Variants in CHERP observed in about 807,000 individuals in gnomAD.
The protein encoded by CHERP is ERPROT 213-21.
CHERP carries 8 observed loss-of-function variants against 113.8 expected under a neutral mutation model. The observed-to-expected ratio is 0.07, with a 90% CI of 0.04 to 0.13. The LOEUF (loss-of-function observed/expected upper bound fraction) is 0.13. Ranked by LOEUF, CHERP falls within the 10% of genes least tolerant of loss-of-function variation. CHERP has a pLI of 1.00. For missense variants in CHERP, 884 were observed against 1,298.2 expected (o/e 0.68, Z 4.90); for synonymous variants, 559 against 524.5 (o/e 1.07, Z -0.90).
intron 5 of CHERP, 137 bp from the exon 6 acceptor site, chr19:16,531,017 G>T: frequency 7.2e-7 from 1 of 1,390,110 alleles, no homozygotes; most frequent in Non-Finnish European, 9.6e-7. Context: ...GGCGATGGCT[G>T]GGCTCCCACG....
Position 16,519,821 on chromosome 19 carries a change from C to A in CHERP, c.2463-106G>T. On this transcript the variant is annotated intron_variant, in intron 15 of 16. Coordinates refer to ENST00000546361, the MANE Select transcript of CHERP (RefSeq NM_006387.6). The surrounding 1 kb of genome is among the most constrained non-coding windows in gnomAD (Gnocchi z 6.0). ...CAGCTTGCGTGCATGCTCACTGTCACCAGGTGACACCGTATGCAGATTTTG... is the reference window on the plus strand; with the variant it reads ...CAGCTTGCGTGCATGCTCACTGTCAACAGGTGACACCGTATGCAGATTTTG... 1 of 962,194 alleles carries A rather than the reference C, an allele frequency of 1.0e-6. No homozygotes were observed. The highest frequency in any genetic ancestry group is 1.7e-6 in the Non-Finnish European group (1 of 592,992). 59.6% of individuals were successfully genotyped at this position (962,194 alleles called of 1,614,324 possible).
In CHERP at chr19:16,519,818, T is replaced by A; in HGVS notation, c.2463-103A>T. On this transcript the variant is annotated intron_variant, in intron 15 of 16. Coordinates refer to ENST00000546361, the MANE Select transcript of CHERP (RefSeq NM_006387.6). This position sits in a 1 kb window ranked among gnomAD's most constrained non-coding sequence, Gnocchi z 6.0. ...CCGCAGCTTGCGTGCATGCTCACTG[T>A]CACCAGGTGACACCGTATGCAGATT... is the stretch of plus-strand genomic sequence containing the variant. The A allele has an allele frequency of 1.0e-6, 1 of 997,810 alleles. No homozygotes were observed. Among genetic ancestry groups the A allele is most frequent in the East Asian group, 2.4e-5 (1 of 41,924 alleles). 61.8% of individuals were successfully genotyped at this position (997,810 alleles called of 1,614,324 possible). A position where few individuals can be genotyped will look rare whatever the true frequency, so the allele number is the denominator to read the frequency against.
chr19:16,534,905 A>G (rs534408342), intron 3 of CHERP, among the ~76,000 whole-genome samples: 1 of 152,246 alleles, frequency 6.6e-6, no homozygotes, highest in Non-Finnish European at 1.5e-5. Context: ...GTGAAACTCC[A>G]TCTCTACTAC....
At position 16,530,982 on chromosome 19, in the gene CHERP, G is replaced by A; in HGVS notation, c.675-102C>T. The A allele has an allele frequency of 1.3e-6, 2 of 1,505,798 alleles. No individual in the cohort carries two copies. Among genetic ancestry groups the A allele is most frequent in the Non-Finnish European group, 1.8e-6 (2 of 1,129,100 alleles). 93.3% of individuals were successfully genotyped at this position (1,505,798 alleles called of 1,614,324 possible). ...AGCCTCAGCGCCCTCTGCCTTCTCG[G>A]GAATCGGGTCCCCAACCCGGTCAGG... is the stretch of plus-strand genomic sequence containing the variant. On this transcript the variant is annotated intron_variant, in intron 5 of 16. Coordinates refer to ENST00000546361, the MANE Select transcript of CHERP (RefSeq NM_006387.6). The surrounding 1 kb of genome is among the most constrained non-coding windows in gnomAD (Gnocchi z 4.1).
chr19:16,527,212 C>T (rs2085662601), intron 9 of CHERP, among the ~76,000 whole-genome samples: 1 of 152,170 alleles, frequency 6.6e-6, no homozygotes, highest in South Asian at 2.1e-4. Flanking sequence ...TCCACACCTA[C>T]AAAACAGGGA....
In CHERP at chr19:16,519,234, G is replaced by A. The variant is rs2085582715; in HGVS notation, c.2676C>T (p.Asp892=). The part of the protein sequence containing the change: ...QYKGVGVALD[D]PYENYRRNKS... ...TGTTCCTGCGGTAGTTCTCATAGGGGTCATCCAGAGCCACGCCCACGCCTT... is the reference window on the plus strand; with the variant it reads ...TGTTCCTGCGGTAGTTCTCATAGGGATCATCCAGAGCCACGCCCACGCCTT... Residue 892 remains aspartate (D), a synonymous_variant, in exon 17 of 17, where the codon GAC becomes GAT. Coordinates refer to ENST00000546361, the MANE Select transcript of CHERP (RefSeq NM_006387.6). This position sits in a 1 kb window ranked among gnomAD's most constrained non-coding sequence, Gnocchi z 6.0. The A allele has an allele frequency of 6.2e-7, 1 of 1,614,060 alleles. No homozygotes were observed. Among genetic ancestry groups the A allele is most frequent in the Middle Eastern group, 1.6e-4 (1 of 6,062 alleles).
chr19:16,520,623 G>A lies in CHERP; in HGVS notation c.2202-116C>T, dbSNP rs866761000. On this transcript the variant is annotated intron_variant, in intron 13 of 16. Coordinates refer to ENST00000546361, the MANE Select transcript of CHERP (RefSeq NM_006387.6). This position sits in a 1 kb window ranked among gnomAD's most constrained non-coding sequence, Gnocchi z 4.0. ...CAGGGGCTCTGGCTGTGGATGTGGC[G>A]CCATAGCCACAGCAACGGTACCAAG... The A allele has an allele frequency of 2.6e-5, 33 of 1,283,360 alleles. No homozygotes were observed. In the Middle Eastern group the frequency reaches 9.3e-4, roughly 36 times the overall value. 79.5% of individuals were successfully genotyped at this position (1,283,360 alleles called of 1,614,324 possible). A position where few individuals can be genotyped will look rare whatever the true frequency, so the allele number is the denominator to read the frequency against.
intron 2 of CHERP, 98 bp downstream of exon 2, chr19:16,541,772 T>C: frequency 1.5e-6 from 2 of 1,314,642 alleles, no homozygotes; most frequent in Non-Finnish European, 2.1e-6. Flanking sequence ...CTTCAAAGAA[T>C]AAACGACCCG....
intron 5 of CHERP, among the ~76,000 whole-genome samples, 184 bp from the exon 6 acceptor site, chr19:16,531,064 G>A (rs2085699614): frequency 6.6e-6 from 1 of 152,190 alleles, no homozygotes; most frequent in South Asian, 2.1e-4. Context: ...GGAAGGGACA[G>A]ATGGAAAAAC....
At chr19:16,538,112 G>A (rs1228634137) in intron 2 of CHERP, among the ~76,000 whole-genome samples, 1 of 151,876 alleles carries the variant, frequency 6.6e-6, no homozygotes, top group East Asian at 1.9e-4. Flanking sequence ...TCTCTCCCAC[G>A]CTTCCAGGAT....
At chr19:16,527,208 C>T (rs887263317) in intron 9 of CHERP, among the ~76,000 whole-genome samples, 5 of 152,194 alleles carry the variant, frequency 3.3e-5, no homozygotes, top group African/African-American at 1.2e-4. Context: ...TGTTTCCACA[C>T]CTACAAAACA....
Position 16,542,019 on chromosome 19 carries a change from T to C in CHERP, c.50A>G (p.Asp17Gly). 6.2e-7 allele frequency: 1 copy of C among 1,613,448 alleles called. No homozygotes were observed. ...GCGAGCCACGAACTGGGCGAGCTTG[T>C]CGATGACATTTCGAAGCTCCTGGTC... The part of the protein sequence containing the change: ...PDDQELRNVI[D>G]KLAQFVARNG... Residue 17 changes from aspartate to glycine, a missense_variant, in exon 2 of 17, where the codon GAC becomes GGC. Transcript: ENST00000546361.
Position 16,518,697 on chromosome 19 carries a change from A to T in CHERP, c.*462T>A, listed in dbSNP as rs1236491975. On this transcript the variant is annotated 3_prime_UTR_variant, in exon 17 of 17. Coordinates refer to ENST00000546361, the MANE Select transcript of CHERP (RefSeq NM_006387.6). Reference sequence around the variant, plus strand: ...CTTCGGCTTTGTCCCTACACAGCCGAGGGGAAGCCAGGTCAGGGCCGGTGG... The same window carrying T: ...CTTCGGCTTTGTCCCTACACAGCCGTGGGGAAGCCAGGTCAGGGCCGGTGG... 3 of 168,830 alleles carry T rather than the reference A, an allele frequency of 1.8e-5. No individual in the cohort carries two copies. Among genetic ancestry groups the T allele is most frequent in the Non-Finnish European group, 3.7e-5 (3 of 80,048 alleles). The allele number at this position is 168,830 out of a possible 1,614,324, so 10.5% of individuals were successfully genotyped here. A position where few individuals can be genotyped will look rare whatever the true frequency, so the allele number is the denominator to read the frequency against.
chr19:16,531,874 G>A (rs566530921), intron 5 of CHERP: 1 of 152,348 alleles, frequency 6.6e-6, no homozygotes, highest in East Asian at 1.9e-4. Flanking sequence ...AGAGGCACAC[G>A]AGGCGCCAGG....
chr19:16,523,055 C>T lies in CHERP; in HGVS notation c.1977G>A (p.Val659=), dbSNP rs755024354. 1.3e-6 allele frequency: 2 copies of T among 1,512,364 alleles called. No homozygotes were observed. The highest frequency in any genetic ancestry group is 1.8e-6 in the Non-Finnish European group (2 of 1,134,230). 93.7% of individuals were successfully genotyped at this position (1,512,364 alleles called of 1,614,324 possible). ...GGAGCCCACTGTGGGGCATTACCTTCACGAGGGGGGCCATCAGCCCAGCAG... is the reference window on the plus strand; with the variant it reads ...GGAGCCCACTGTGGGGCATTACCTTTACGAGGGGGGCCATCAGCCCAGCAG... ...DLPAGLMAPL[V]KLEDHEYKPL... is the part of the protein sequence containing the mutation. Residue 659 remains valine, a synonymous_variant, in exon 11 of 17, where the codon GTG becomes GTA. Coordinates refer to ENST00000546361, the MANE Select transcript of CHERP (RefSeq NM_006387.6). This position sits in a 1 kb window ranked among gnomAD's most constrained non-coding sequence, Gnocchi z 4.0.
Position 16,520,075 on chromosome 19 carries a change from A to G in CHERP, c.2462+74T>C. On this transcript the variant is annotated intron_variant, in intron 15 of 16. Coordinates refer to ENST00000546361, the MANE Select transcript of CHERP (RefSeq NM_006387.6). The surrounding 1 kb of genome is among the most constrained non-coding windows in gnomAD (Gnocchi z 4.0). ...CTCCTAACACAGTCTCCTAACCACC[A>G]ATGTTTCCACATTCACAGCAAAGCA... The G allele has an allele frequency of 2.7e-6, 4 of 1,474,964 alleles. No individual in the cohort carries two copies. The highest frequency in any genetic ancestry group is 3.8e-6 in the Non-Finnish European group (4 of 1,063,648). 91.4% of individuals were successfully genotyped at this position (1,474,964 alleles called of 1,614,324 possible). A position where few individuals can be genotyped will look rare whatever the true frequency, so the allele number is the denominator to read the frequency against.
Position 16,519,436 on chromosome 19 carries a change from G to A in CHERP, c.2558-84C>T. ...GGGGGGCTGAATGTCCAGACAGGCA[G>A]TGTAGACATGGGAAATGGGTAGAGA... is the stretch of plus-strand genomic sequence containing the variant. On this transcript the variant is annotated intron_variant, in intron 16 of 16. Transcript: ENST00000546361. The surrounding 1 kb of genome is among the most constrained non-coding windows in gnomAD (Gnocchi z 6.0). 2.1e-6 allele frequency: 3 copies of A among 1,434,478 alleles called. No homozygotes were observed. The highest frequency in any genetic ancestry group is 2.9e-6 in the Non-Finnish European group (3 of 1,044,038). 88.9% of individuals were successfully genotyped at this position (1,434,478 alleles called of 1,614,324 possible).
In CHERP at chr19:16,533,123, T is replaced by C. The variant is rs755134194; in HGVS notation, c.410A>G (p.His137Arg). 6.3e-6 allele frequency: 10 copies of C among 1,587,442 alleles called. No homozygotes were observed. The highest frequency in any genetic ancestry group is 8.6e-6 in the Non-Finnish European group (10 of 1,167,322). The change falls in exon 4 of 17, where the codon CAC (histidine) becomes CGC (arginine). Residue 137 changes from histidine to arginine, a missense_variant. Physicochemically the swap from His to Arg is conservative, Grantham distance 29. Coordinates refer to ENST00000546361, the MANE Select transcript of CHERP (RefSeq NM_006387.6). The stretch of plus-strand genomic sequence containing the variant: ...CTTCTGCATCTGCTGCTCCACCGCG[T>C]GGGCCACGGCCGCTGTCACTTGCTC... Reference protein sequence around the residue: ...RQEQVTAAVAHAVEQQMQKLL... With the variant: ...RQEQVTAAVARAVEQQMQKLL...
chr19:16,520,499 G>C lies in CHERP; in HGVS notation c.2210C>G (p.Ser737Trp). 2 of 1,613,110 alleles carry C rather than the reference G, an allele frequency of 1.2e-6. No individual in the cohort carries two copies. Among genetic ancestry groups the C allele is most frequent in the Non-Finnish European group, 1.7e-6 (2 of 1,179,528 alleles). The change falls in exon 14 of 17, where the codon TCG becomes TGG. Residue 737 changes from serine to tryptophan, a missense_variant. By Grantham distance (177) the Ser-to-Trp change is radical. This residue lies in a region of CHERP where 159 missense variants were observed against 185.8 expected (regional missense o/e 0.86). Transcript: ENST00000546361. The surrounding 1 kb of genome is among the most constrained non-coding windows in gnomAD (Gnocchi z 4.0). ...ACTCTTGGATCTGCTCCGAGACCTCGAGGGTCCGCTGTGGGGAGAGGCCTG... is the reference window on the plus strand; with the variant it reads ...ACTCTTGGATCTGCTCCGAGACCTCCAGGGTCCGCTGTGGGGAGAGGCCTG... ...KGQEKRNSGP[S>W]RSRSRSKSRG...
Sources: gnomAD v4.1 joint callset for allele counts (sites outside exome capture counted in the v4.1 genomes callset) on GRCh38, gnomAD v4.1.1 for gene constraint, gnomAD v4.1.1 regional missense constraint, Gnocchi (gnomAD v3.1) non-coding constraint, MANE v1.5 for transcripts, NCBI Gene and HGNC (gene_info 2026-07-23, HGNC 2026-07-21) for gene names.